The following RALGAPA2 variants were observed in gnomAD, a reference collection of about 807,000 sequenced individuals.
RALGAPA2 encodes the protein Ral GTPase activating protein catalytic subunit alpha 2.
Under a neutral mutation model 230.4 loss-of-function variants are expected in RALGAPA2, and 139 were observed. That is an observed-to-expected ratio of 0.60 (90% CI 0.53 to 0.69). The LOEUF (loss-of-function observed/expected upper bound fraction) is 0.69, where lower values mean the gene tolerates loss of function less well. Ranked by LOEUF, RALGAPA2 falls within the 30% of genes least tolerant of loss-of-function variation. The pLI, the probability that RALGAPA2 is intolerant of heterozygous loss-of-function variation, is 0.00. For synonymous variants in RALGAPA2, 847 were observed against 837.8 expected (o/e 1.01, Z -0.19); for missense variants, 2,163 against 2,276.0 (o/e 0.95, Z 1.01).
At chr20:20,700,894 G>A (rs1035961891) in intron 1 of RALGAPA2, among the ~76,000 whole-genome samples, 3 of 152,188 alleles carry the variant, frequency 2.0e-5, no homozygotes, top group Non-Finnish European at 4.4e-5. Flanking sequence ...ACAAGCCTTT[G>A]GGGCAGGAAG....
intron 37 of RALGAPA2, among the ~76,000 whole-genome samples, chr20:20,432,686 CA>C (rs1469533309): frequency 4.6e-5 from 7 of 151,922 alleles, no homozygotes; most frequent in African/African-American, 1.7e-4. Flanking sequence ...CCATGCTATA[CA>C]TACATGGGAA....
At chr20:20,536,506 T>C (rs1431599769) in intron 25 of RALGAPA2, 150 bp downstream of exon 25, 29 of 825,428 alleles carry the variant, frequency 3.5e-5, no homozygotes, top group Non-Finnish European at 4.1e-5. Context: ...AGCCCATGAA[T>C]AGTCTTCTAG....
chr20:20,591,092 A>G (rs1568619172), intron 17 of RALGAPA2, 85 bp downstream of exon 17: 10 of 1,417,626 alleles, frequency 7.1e-6, no homozygotes, highest in East Asian at 4.7e-5. Flanking sequence ...TATTCAGAAT[A>G]TATGTACAAA....
intron 36 of RALGAPA2, among the ~76,000 whole-genome samples, chr20:20,476,018 A>G (rs1602483515): frequency 6.6e-6 from 1 of 152,198 alleles, no homozygotes; most frequent in Non-Finnish European, 1.5e-5. Flanking sequence ...AATTTGATAA[A>G]AGAATGTGCA....
intron 16 of RALGAPA2, among the ~76,000 whole-genome samples, chr20:20,600,532 T>G (rs1682108389): frequency 6.6e-6 from 1 of 152,156 alleles, no homozygotes; most frequent in South Asian, 2.1e-4. Flanking sequence ...GAGTTACAGT[T>G]AAGGTGGAAT....
At chr20:20,549,918 A>T (rs371253218) in intron 23 of RALGAPA2, among the ~76,000 whole-genome samples, 80 of 152,302 alleles carry the variant, frequency 5.3e-4, no homozygotes, top group African/African-American at 1.8e-3. Flanking sequence ...TGCAATCCTC[A>T]TGCCTTTTGC....
intron 37 of RALGAPA2, among the ~76,000 whole-genome samples, chr20:20,414,882 C>T (rs1381934009): frequency 6.6e-6 from 1 of 152,356 alleles, no homozygotes; most frequent in Admixed American, 6.5e-5. Context: ...AAACTGGGTG[C>T]TGTCATTTAG....
chr20:20,700,780 T>C (rs1255841691), intron 1 of RALGAPA2, among the ~76,000 whole-genome samples: 1 of 152,206 alleles, frequency 6.6e-6, no homozygotes, highest in Non-Finnish European at 1.5e-5. Flanking sequence ...ATAATGAATG[T>C]GTGTAAGCAA....
At chr20:20,683,896 C>G (rs1301464824) in intron 1 of RALGAPA2, among the ~76,000 whole-genome samples, 2 of 152,148 alleles carry the variant, frequency 1.3e-5, no homozygotes, top group Admixed American at 1.3e-4. Flanking sequence ...AATCTATAAC[C>G]AGATGGACCC....
intron 4 of RALGAPA2, among the ~76,000 whole-genome samples, chr20:20,644,563 T>C (rs2067146164): frequency 6.6e-6 from 1 of 152,214 alleles, no homozygotes; most frequent in South Asian, 2.1e-4. Context: ...GATTCTACTG[T>C]TCATAACAAC....
intron 18 of RALGAPA2, among the ~76,000 whole-genome samples, chr20:20,586,929 CT>C (rs922330523): frequency 2.6e-5 from 4 of 151,872 alleles, no homozygotes; most frequent in South Asian, 2.1e-4. Context: ...TATTTGTGTT[CT>C]TTTTTTTAAA....
At position 20,601,692 on chromosome 20, in the gene RALGAPA2, T is replaced by C. The variant is rs370722395; in HGVS notation, c.2193A>G (p.Gln731=). ...GVEKARNIVR[Q]KATEVEECQQ... is the part of the protein sequence containing the mutation. ...TAAATAAATGTTTACCAGTTGCTTTTTGGCGAACAATATTTCTTGCCTTTT... is the reference window on the plus strand; with the variant it reads ...TAAATAAATGTTTACCAGTTGCTTTCTGGCGAACAATATTTCTTGCCTTTT... Residue 731 remains glutamine (Q), a synonymous_variant, in exon 16 of 40, where the codon CAA becomes CAG. Coordinates refer to ENST00000202677, the MANE Select transcript of RALGAPA2 (RefSeq NM_020343.4). 3.1e-6 allele frequency: 5 copies of C among 1,610,048 alleles called. No individual in the cohort carries two copies. The highest frequency in any genetic ancestry group is 3.4e-6 in the Non-Finnish European group (4 of 1,178,822).
intron 4 of RALGAPA2, 82 bp downstream of exon 4, chr20:20,653,448 G>T: frequency 1.3e-6 from 1 of 787,388 alleles, no homozygotes; most frequent in Non-Finnish European, 2.1e-6. Flanking sequence ...AAGCTATCTT[G>T]ATGATATCAA....
chr20:20,546,831 TC>T lies in RALGAPA2; in HGVS notation c.3157del (p.Asp1053IlefsTer3), dbSNP rs2063786908. 6.3e-7 allele frequency: 1 copy of T among 1,575,242 alleles called. No homozygotes were observed. Among genetic ancestry groups the T allele is most frequent in the Non-Finnish European group, 8.6e-7 (1 of 1,168,004 alleles). On this transcript the variant is annotated frameshift_variant and splice_region_variant, in exon 24 of 40. Transcript: ENST00000202677. LOFTEE classifies it high-confidence loss of function. Reference sequence around the variant, plus strand: ...GTGCCTTATGATCGTATTTAAGATATCCTAAAAGGGAAGATAAGAAAAAACA... The same window carrying T: ...GTGCCTTATGATCGTATTTAAGATATCTAAAAGGGAAGATAAGAAAAAACA... ...MHLGLTSEDQ[D>X]ILNTIIRHCP...
At chr20:20,638,806 G>A (rs1201573088) in intron 7 of RALGAPA2, among the ~76,000 whole-genome samples, 2 of 152,180 alleles carry the variant, frequency 1.3e-5, no homozygotes, top group Non-Finnish European at 2.9e-5. Flanking sequence ...TCTGTTGCTG[G>A]CTAAAGGCAA....
chr20:20,567,600 G>A (rs1042662078), intron 23 of RALGAPA2, among the ~76,000 whole-genome samples: 3 of 152,152 alleles, frequency 2.0e-5, no homozygotes, highest in Admixed American at 2.0e-4. Flanking sequence ...ATACCTGGTG[G>A]AATAAGCCAA....
At chr20:20,699,232 T>C (rs1014655820) in intron 1 of RALGAPA2, among the ~76,000 whole-genome samples, 1 of 152,256 alleles carries the variant, frequency 6.6e-6, no homozygotes, top group Non-Finnish European at 1.5e-5. Flanking sequence ...GATGTGTCTG[T>C]TTCTATATTT....
chr20:20,431,467 T>C (rs2060500561), intron 37 of RALGAPA2, among the ~76,000 whole-genome samples: 1 of 152,122 alleles, frequency 6.6e-6, no homozygotes, highest in Admixed American at 6.5e-5. Context: ...TAGAGGACAT[T>C]TCAAAGACCA....
chr20:20,559,175 A>C (rs994717032), intron 23 of RALGAPA2, among the ~76,000 whole-genome samples: 3 of 152,192 alleles, frequency 2.0e-5, no homozygotes, highest in South Asian at 2.1e-4. Context: ...ACCTGCACAA[A>C]GCAGCAAAAC....
Sources: gnomAD v4.1 joint callset for allele counts (sites outside exome capture counted in the v4.1 genomes callset) on GRCh38, gnomAD v4.1.1 for gene constraint, MANE v1.5 for transcripts, NCBI Gene and HGNC (gene_info 2026-07-23, HGNC 2026-07-21) for gene names.